The following GTSE1 variants were observed in gnomAD, a reference collection of about 807,000 sequenced individuals.
GTSE1 encodes G2 and S phase-expressed protein 1.
GTSE1 carries 52 observed loss-of-function variants against 60.5 expected under a neutral mutation model. The observed-to-expected ratio is 0.86, with a 90% CI of 0.69 to 1.08. The LOEUF (loss-of-function observed/expected upper bound fraction) is 1.08. Ranked by LOEUF, GTSE1 falls within the 50% of genes least tolerant of loss-of-function variation. The pLI is 0.00. For synonymous variants in GTSE1, 368 were observed against 386.5 expected, an observed-to-expected ratio of 0.95 and a Z score of 0.56; for missense variants, 937 against 961.8, an observed-to-expected ratio of 0.97 and a Z score of 0.34.
Position 46,328,859 on chromosome 22 carries a change from C to A in GTSE1, c.1896C>A (p.Ala632=). 1 of 1,613,882 alleles carries A rather than the reference C, an allele frequency of 6.2e-7. No individual in the cohort carries two copies. The highest frequency in any genetic ancestry group is 1.1e-5 in the South Asian group (1 of 91,084). ...STATEVAREE[A]KPGGDAAPSE... ...CCACAGAAGTAGCTCGGGAGGAAGCCAAGCCGGGTGGAGATGCAGCCCCTA... is the reference window on the plus strand; with the variant it reads ...CCACAGAAGTAGCTCGGGAGGAAGCAAAGCCGGGTGGAGATGCAGCCCCTA... Residue 632 remains alanine, a synonymous_variant, in exon 10 of 12, where the codon GCC becomes GCA. Coordinates refer to ENST00000454366, the MANE Select transcript of GTSE1 (RefSeq NM_016426.7).
chr22:46,321,794 G>C lies in GTSE1; in HGVS notation c.1433-1396G>C, dbSNP rs1203085889. ...AGGTGATTTTTAAAAGAATAGGAGA[G>C]GCTGGGGCAGTGGCTCACGCCTGTA... On this transcript the variant is annotated intron_variant, in intron 7 of 11. Transcript: ENST00000454366. The surrounding 1 kb of genome is among the most constrained non-coding windows in gnomAD (Gnocchi z 4.0). Among the ~76,000 whole-genome samples, 2 of 152,164 alleles carry C rather than the reference G, an allele frequency of 1.3e-5. No individual in the cohort carries two copies. Among genetic ancestry groups the C allele is most frequent in the African/African-American group, 4.8e-5 (2 of 41,440 alleles).
Position 46,324,549 on chromosome 22 carries a change from A to C in GTSE1, c.1505+1287A>C, listed in dbSNP as rs2077833187. ...CGCCCGGCTAAGTTTTTGTATTTTT[A>C]GTAGAGACGGGGTTTCACCGTGTTA... On this transcript the variant is annotated intron_variant, in intron 8 of 11. Coordinates refer to ENST00000454366, the MANE Select transcript of GTSE1 (RefSeq NM_016426.7). This position sits in a 1 kb window ranked among gnomAD's most constrained non-coding sequence, Gnocchi z 5.2. Among the ~76,000 whole-genome samples the C allele has an allele frequency of 6.6e-6, 1 of 151,960 alleles. No individual in the cohort carries two copies. The highest frequency in any genetic ancestry group is 1.5e-5 in the Non-Finnish European group (1 of 67,978).
Position 46,328,832 on chromosome 22 carries a change from T to A in GTSE1, c.1869T>A (p.Thr623=), listed in dbSNP as rs201405166. 6.2e-7 allele frequency: 1 copy of A among 1,614,064 alleles called. No homozygotes were observed. The highest frequency in any genetic ancestry group is 1.3e-5 in the African/African-American group (1 of 75,058). The change falls in exon 10 of 12, where the codon ACT becomes ACA. Residue 623 remains threonine (T), a synonymous_variant. Coordinates refer to ENST00000454366, the MANE Select transcript of GTSE1 (RefSeq NM_016426.7). ...GCGATTCTACTTTCTCCAAAAGTAC[T>A]GCCACAGAAGTAGCTCGGGAGGAAG... ...EESDSTFSKS[T]ATEVAREEAK...
chr22:46,329,159 C>T lies in GTSE1; in HGVS notation c.1927-199C>T, dbSNP rs993440318. ...GCAGGAGCTGGTGGCTGCTGGTGAG[C>T]GGGTATGGACAGGGAGGTGGGCAAC... is the stretch of plus-strand genomic sequence containing the variant. On this transcript the variant is annotated intron_variant, in intron 10 of 11. Coordinates refer to ENST00000454366, the MANE Select transcript of GTSE1 (RefSeq NM_016426.7). The surrounding 1 kb of genome is among the most constrained non-coding windows in gnomAD (Gnocchi z 6.4). The T allele has an allele frequency of 5.5e-5, 35 of 638,424 alleles. No individual in the cohort carries two copies. The highest frequency in any genetic ancestry group is 5.0e-5 in the Non-Finnish European group (18 of 361,256). 39.5% of individuals were successfully genotyped at this position (638,424 alleles called of 1,614,324 possible).
rs150571978 is a variant in GTSE1, at chr22:46,322,302, C to T, written c.1433-888C>T. ...GCAGCAGCCTGGACCCTCGCCTGGC[C>T]TCCTGGAAGCACCTGTGGAGAAGAG... On this transcript the variant is annotated intron_variant, in intron 7 of 11. Coordinates refer to ENST00000454366, the MANE Select transcript of GTSE1 (RefSeq NM_016426.7). Among the ~76,000 whole-genome samples, 42 of 152,254 alleles carry T rather than the reference C, an allele frequency of 2.8e-4. 1 individual carries two copies. The highest frequency in any genetic ancestry group is 9.9e-4 in the African/African-American group (41 of 41,544).
At position 46,328,879 on chromosome 22, in the gene GTSE1, C is replaced by T; in HGVS notation, c.1916C>T (p.Ala639Val). 6.2e-7 allele frequency: 1 copy of T among 1,612,808 alleles called. No homozygotes were observed. Among genetic ancestry groups the T allele is most frequent in the Non-Finnish European group, 8.5e-7 (1 of 1,179,210 alleles). ...GAAGCCAAGCCGGGTGGAGATGCAGCCCCTAGTGAGGTGGGCAGAACGGGC... is the reference window on the plus strand; with the variant it reads ...GAAGCCAAGCCGGGTGGAGATGCAGTCCCTAGTGAGGTGGGCAGAACGGGC... ...REEAKPGGDAAPSEALLVDIK... is the reference protein window; with the variant it reads ...REEAKPGGDAVPSEALLVDIK... The change falls in exon 10 of 12, where the codon GCC (alanine) becomes GTC (valine). Residue 639 changes from alanine to valine, a missense_variant. Physicochemically the swap from Ala to Val is moderately conservative, Grantham distance 64 (BLOSUM62 0). Transcript: ENST00000454366.
chr22:46,298,689 G>A (rs1377429003), intron 2 of GTSE1, among the ~76,000 whole-genome samples: 1 of 152,114 alleles, frequency 6.6e-6, no homozygotes, highest in Non-Finnish European at 1.5e-5. Flanking sequence ...TATCTAGCAA[G>A]GCGCTTGCCT....
chr22:46,323,122 C>T (rs574046958), intron 7 of GTSE1, 68 bp from the exon 8 acceptor site: 29 of 1,013,756 alleles, frequency 2.9e-5, no homozygotes, highest in East Asian at 4.8e-5. Context: ...CATTCGGTGA[C>T]GATCCCCCAA....
In GTSE1 at chr22:46,308,481, G is replaced by A. The variant is rs1191042026; in HGVS notation, c.300G>A (p.Glu100=). The A allele has an allele frequency of 1.5e-5, 24 of 1,614,076 alleles. No homozygotes were observed. In the Admixed American group the frequency reaches 3.8e-4, roughly 26 times the overall value. ...CTCTGGCCGGGGAGAAGTTCGTGGA[G>A]GTGTACAAAGAAGCTCACTTACTGG... ...WSPLAGEKFV[E]VYKEAHLLAL... is the part of the protein sequence containing the mutation. Residue 100 remains glutamate, a synonymous_variant, in exon 4 of 12, where the codon GAG becomes GAA. Transcript: ENST00000454366.
Position 46,319,677 on chromosome 22 carries a change from G to T in GTSE1, c.1432+3265G>T, listed in dbSNP as rs2077801110. On this transcript the variant is annotated intron_variant, in intron 7 of 11. Coordinates refer to ENST00000454366, the MANE Select transcript of GTSE1 (RefSeq NM_016426.7). The surrounding 1 kb of genome is among the most constrained non-coding windows in gnomAD (Gnocchi z 5.0). The stretch of plus-strand genomic sequence containing the variant: ...TCAGTGTAGGTTTCAACAGCAGAGA[G>T]CTGAGTTTGTAGAGATGGGAGCTGT... Among the ~76,000 whole-genome samples, 1 of 152,148 alleles carries T rather than the reference G, an allele frequency of 6.6e-6. No individual in the cohort carries two copies. Among genetic ancestry groups the T allele is most frequent in the Admixed American group, 6.5e-5 (1 of 15,268 alleles).
At position 46,310,166 on chromosome 22, in the gene GTSE1, C is replaced by T. The variant is rs1000143121; in HGVS notation, c.762+1223C>T. Among the ~76,000 whole-genome samples, 3 of 152,188 alleles carry T rather than the reference C, an allele frequency of 2.0e-5. No homozygotes were observed. Among genetic ancestry groups the T allele is most frequent in the African/African-American group, 7.2e-5 (3 of 41,436 alleles). ...GAGTGGCTCATGGCACATGCTCACT[C>T]CTGTGAGGAGTCATTAGCAATGGGT... On this transcript the variant is annotated intron_variant, in intron 4 of 11. Transcript: ENST00000454366. The surrounding 1 kb of genome is among the most constrained non-coding windows in gnomAD (Gnocchi z 4.4).
Position 46,318,035 on chromosome 22 carries a change from T to G in GTSE1, c.1432+1623T>G, listed in dbSNP as rs758219095. Reference sequence around the variant, plus strand: ...TCGTTCTGTCGGAGTAGCCCCCTCCTCTCTAGTTTCTGGCCCTCAGATTGC... The same window carrying G: ...TCGTTCTGTCGGAGTAGCCCCCTCCGCTCTAGTTTCTGGCCCTCAGATTGC... On this transcript the variant is annotated intron_variant, in intron 7 of 11. Transcript: ENST00000454366. This position sits in a 1 kb window ranked among gnomAD's most constrained non-coding sequence, Gnocchi z 4.8. Among the ~76,000 whole-genome samples, 18 of 152,196 alleles carry G rather than the reference T, an allele frequency of 1.2e-4. No individual in the cohort carries two copies. The highest frequency in any genetic ancestry group is 2.4e-4 in the Non-Finnish European group (16 of 68,030).
intron 2 of GTSE1, among the ~76,000 whole-genome samples, chr22:46,307,142 G>T (rs369073873): frequency 1.4e-3 from 206 of 152,310 alleles, no homozygotes; most frequent in African/African-American, 4.6e-3. Context: ...GGCAGACAGG[G>T]CCATGCCAGC....
In GTSE1 at chr22:46,297,373, C is replaced by T. The variant is rs1257712044; in HGVS notation, c.-21-7C>T. 1.3e-6 allele frequency: 2 copies of T among 1,549,396 alleles called. No homozygotes were observed. The highest frequency in any genetic ancestry group is 1.8e-6 in the Non-Finnish European group (2 of 1,121,370). On this transcript the variant is annotated splice_polypyrimidine_tract_variant and splice_region_variant and intron_variant, in intron 1 of 11. Coordinates refer to ENST00000454366, the MANE Select transcript of GTSE1 (RefSeq NM_016426.7). This position sits in a 1 kb window ranked among gnomAD's most constrained non-coding sequence, Gnocchi z 4.9. The stretch of plus-strand genomic sequence containing the variant: ...TACTCACTTTCTGGCCCCGTTCCAC[C>T]CTGCAGTGACTTCTGACAGCTCTCT...
At chr22:46,322,863 G>T (rs763154642) in intron 7 of GTSE1, among the ~76,000 whole-genome samples, 15 of 152,198 alleles carry the variant, frequency 9.9e-5, no homozygotes, top group Admixed American at 5.9e-4. Flanking sequence ...AGTCGACTTC[G>T]CTCTGTGAAG....
At chr22:46,301,203 A>G (rs2077687388) in intron 2 of GTSE1, among the ~76,000 whole-genome samples, 1 of 152,216 alleles carries the variant, frequency 6.6e-6, no homozygotes, top group Non-Finnish European at 1.5e-5. Context: ...TGCTGCAGTA[A>G]ATAACTGTGG....
chr22:46,326,881 A>C, intron 9 of GTSE1: 1 of 444,936 alleles, frequency 2.2e-6, no homozygotes, highest in Admixed American at 4.5e-5. Context: ...CTGATAATCA[A>C]TTTGAAAACC....
intron 2 of GTSE1, among the ~76,000 whole-genome samples, chr22:46,298,037 A>C (rs1014317989): frequency 6.6e-6 from 1 of 151,904 alleles, no homozygotes; most frequent in Non-Finnish European, 1.5e-5. Flanking sequence ...ATCTGTACTC[A>C]CTGCAACCTC....
At position 46,324,774 on chromosome 22, in the gene GTSE1, A is replaced by T. The variant is rs1047653189; in HGVS notation, c.1505+1512A>T. On this transcript the variant is annotated intron_variant, in intron 8 of 11. Coordinates refer to ENST00000454366, the MANE Select transcript of GTSE1 (RefSeq NM_016426.7). The surrounding 1 kb of genome is among the most constrained non-coding windows in gnomAD (Gnocchi z 5.2). Reference sequence around the variant, plus strand: ...TCGCGGAGAGCAGCAGCTGGGGTTGACAGCAGTTGCTCTCTGGAGTGATTC... The same window carrying T: ...TCGCGGAGAGCAGCAGCTGGGGTTGTCAGCAGTTGCTCTCTGGAGTGATTC... Among the ~76,000 whole-genome samples, 1 of 152,206 alleles carries T rather than the reference A, an allele frequency of 6.6e-6. No individual in the cohort carries two copies. Among genetic ancestry groups the T allele is most frequent in the Non-Finnish European group, 1.5e-5 (1 of 68,044 alleles).
Sources: gnomAD v4.1 joint callset for allele counts (sites outside exome capture counted in the v4.1 genomes callset) on GRCh38, gnomAD v4.1.1 for gene constraint, Gnocchi (gnomAD v3.1) non-coding constraint, MANE v1.5 for transcripts, NCBI Gene and HGNC (gene_info 2026-07-23, HGNC 2026-07-21) for gene names.